Variants in SCFD2 observed in about 807,000 individuals in gnomAD.
The protein encoded by SCFD2 is sec1 family domain containing 2.
A neutral mutation model predicts 58.9 loss-of-function variants in SCFD2; 54 were observed. The observed-to-expected ratio is 0.92, with a 90% CI of 0.74 to 1.15. The LOEUF (loss-of-function observed/expected upper bound fraction) is 1.15. SCFD2 is among the 50% of genes most tolerant of loss of function. SCFD2 has a pLI of 0.00. For missense variants in SCFD2, 805 were observed against 836.6 expected, an observed-to-expected ratio of 0.96 and a Z score of 0.47; for synonymous variants, 321 against 335.9, an observed-to-expected ratio of 0.96 and a Z score of 0.49.
chr4:53,063,266 A>G (rs190171028), intron 5 of SCFD2, among the ~76,000 whole-genome samples: 1 of 152,290 alleles, frequency 6.6e-6, no homozygotes, highest in African/African-American at 2.4e-5. Flanking sequence ...TCACCTTTCA[A>G]CATGTAAAAC....
chr4:52,930,914 T>C (rs1366251148), intron 5 of SCFD2, among the ~76,000 whole-genome samples: 2 of 152,208 alleles, frequency 1.3e-5, no homozygotes, highest in African/African-American at 4.8e-5. Flanking sequence ...TAATGTTCTA[T>C]TATCGGCTGT....
chr4:53,188,973 T>G (rs1727816169), intron 4 of SCFD2, among the ~76,000 whole-genome samples: 1 of 152,140 alleles, frequency 6.6e-6, no homozygotes, highest in African/African-American at 2.4e-5. Context: ...TTTCCAAACT[T>G]CAGGAACTGA....
At chr4:53,222,390 C>T (rs1729074066) in intron 4 of SCFD2, among the ~76,000 whole-genome samples, 1 of 152,182 alleles carries the variant, frequency 6.6e-6, no homozygotes, top group Non-Finnish European at 1.5e-5. Flanking sequence ...ATTATTTTTA[C>T]ATGACTGCAA....
At position 53,097,932 on chromosome 4, in the gene SCFD2, T is replaced by C. The variant is rs184288773; in HGVS notation, c.1561+47401A>G. Among the ~76,000 whole-genome samples, 228 of 152,346 alleles carry C rather than the reference T, an allele frequency of 1.5e-3. 1 individual carries two copies. The highest frequency in any genetic ancestry group is 5.3e-3 in the African/African-American group (222 of 41,592). ...TGAGAGTTGTTAGCATGAAGGGCTG[T>C]TGAATTTTGTCAAAGGCCTTTTCTG... On this transcript the variant is annotated intron_variant, in intron 5 of 8. Coordinates refer to ENST00000401642, the MANE Select transcript of SCFD2 (RefSeq NM_152540.4).
intron 5 of SCFD2, among the ~76,000 whole-genome samples, chr4:53,037,447 T>C (rs916135940): frequency 6.6e-6 from 1 of 152,150 alleles, no homozygotes; most frequent in African/African-American, 2.4e-5. Context: ...TACAAAATTT[T>C]AAAGCTATAA....
intron 5 of SCFD2, among the ~76,000 whole-genome samples, chr4:53,097,390 T>C (rs921440274): frequency 1.8e-4 from 28 of 152,356 alleles, no homozygotes; most frequent in Middle Eastern, 3.4e-3. Flanking sequence ...TTTTATTTCA[T>C]TGAGCAATGG....
chr4:53,218,047 C>G (rs1393975916), intron 4 of SCFD2, among the ~76,000 whole-genome samples: 6 of 152,124 alleles, frequency 3.9e-5, no homozygotes, highest in African/African-American at 1.4e-4. Context: ...TGTGGGTAAC[C>G]CGACCTTTCT....
chr4:53,086,530 G>A (rs1724309101), intron 5 of SCFD2, among the ~76,000 whole-genome samples: 1 of 152,156 alleles, frequency 6.6e-6, no homozygotes, highest in Admixed American at 6.5e-5. Flanking sequence ...TCACTGCTGG[G>A]TGTACACCCA....
At chr4:53,201,200 G>A (rs1041264225) in intron 4 of SCFD2, among the ~76,000 whole-genome samples, 9 of 138,142 alleles carry the variant, frequency 6.5e-5, no homozygotes, top group African/African-American at 2.4e-4. Flanking sequence ...ACAGGCCCCA[G>A]TGTGTGATGT....
intron 4 of SCFD2, among the ~76,000 whole-genome samples, chr4:53,180,136 C>T (rs1452333747): frequency 2.6e-5 from 4 of 152,216 alleles, no homozygotes; most frequent in Non-Finnish European, 4.4e-5. Context: ...GAACTCAGCT[C>T]TGCACCAAGC....
intron 4 of SCFD2, among the ~76,000 whole-genome samples, chr4:53,231,724 T>A (rs780688668): frequency 6.6e-6 from 1 of 152,164 alleles, no homozygotes; most frequent in African/African-American, 2.4e-5. Context: ...CTCTAAAATG[T>A]TATGTTTATG....
chr4:52,894,959 T>A (rs1375432772), intron 7 of SCFD2, among the ~76,000 whole-genome samples: 2 of 152,182 alleles, frequency 1.3e-5, no homozygotes, highest in Admixed American at 1.3e-4. Context: ...AGCAAACAGG[T>A]CTTTCACTAA....
intron 3 of SCFD2, among the ~76,000 whole-genome samples, chr4:53,306,098 T>C (rs181758599): frequency 6.6e-4 from 101 of 152,250 alleles, no homozygotes; most frequent in Non-Finnish European, 9.6e-4. Context: ...ACAATAATAG[T>C]ACAAACAAAG....
At chr4:53,248,780 A>G (rs1324273351) in intron 4 of SCFD2, among the ~76,000 whole-genome samples, 3 of 152,240 alleles carry the variant, frequency 2.0e-5, no homozygotes, top group African/African-American at 4.8e-5. Context: ...AACAGAAAGG[A>G]CACCCACACC....
At chr4:53,069,574 G>C (rs970623976) in intron 5 of SCFD2, among the ~76,000 whole-genome samples, 3 of 152,002 alleles carry the variant, frequency 2.0e-5, no homozygotes, top group Non-Finnish European at 4.4e-5. Context: ...ATAGAACTCT[G>C]TGGTGGAAAA....
At chr4:53,180,675 G>A (rs904297564) in intron 4 of SCFD2, among the ~76,000 whole-genome samples, 3 of 152,088 alleles carry the variant, frequency 2.0e-5, no homozygotes, top group African/African-American at 4.8e-5. Context: ...AGGAAACAGA[G>A]ACACAAAAAA....
chr4:53,211,767 G>A (rs1728620959), intron 4 of SCFD2, among the ~76,000 whole-genome samples: 1 of 152,088 alleles, frequency 6.6e-6, no homozygotes, highest in Non-Finnish European at 1.5e-5. Context: ...AGCATGGTTT[G>A]AGAGTTTTCC....
intron 5 of SCFD2, among the ~76,000 whole-genome samples, chr4:52,923,609 G>A (rs1719795904): frequency 1.3e-5 from 2 of 152,128 alleles, no homozygotes; most frequent in Admixed American, 6.5e-5. Flanking sequence ...GGGGGTAGGG[G>A]AAGAATGAAG....
intron 3 of SCFD2, among the ~76,000 whole-genome samples, chr4:53,302,178 G>T (rs1011708200): frequency 1.2e-4 from 18 of 152,316 alleles, no homozygotes; most frequent in African/African-American, 3.6e-4. Context: ...GTTTGCAGAT[G>T]ACATGATTGT....
Sources: gnomAD v4.1 joint callset for allele counts (sites outside exome capture counted in the v4.1 genomes callset) on GRCh38, gnomAD v4.1.1 for gene constraint, MANE v1.5 for transcripts, NCBI Gene and HGNC (gene_info 2026-07-23, HGNC 2026-07-21) for gene names.